The following FPGT variants were observed in gnomAD, a reference collection of about 807,000 sequenced individuals.
FPGT encodes GDP-L-fucose diphosphorylase.
Under a neutral mutation model 45.8 loss-of-function variants are expected in FPGT, and 41 were observed. The ratio of observed to expected loss-of-function variants is 0.90; its 90% CI spans 0.70 to 1.16. FPGT has a LOEUF of 1.16. FPGT is among the 50% of genes most tolerant of loss of function. FPGT has a pLI of 0.00. For missense variants in FPGT, 755 were observed against 689.1 expected, an observed-to-expected ratio of 1.10 and a Z score of -1.07; for synonymous variants, 292 against 247.2, an observed-to-expected ratio of 1.18 and a Z score of -1.70.
At chr1:74,203,170 G>T (rs1018213998) in intron 3 of FPGT, among the ~76,000 whole-genome samples, 1 of 152,140 alleles carries the variant, frequency 6.6e-6, no homozygotes, top group Non-Finnish European at 1.5e-5. Context: ...TGGCAGCACA[G>T]CAGGTTTGTT....
chr1:74,204,901 T>G lies in FPGT; in HGVS notation c.854T>G (p.Leu285Arg), dbSNP rs1206664213. 4 of 1,613,836 alleles carry G rather than the reference T, an allele frequency of 2.5e-6. No individual in the cohort carries two copies. The highest frequency in any genetic ancestry group is 3.4e-6 in the Non-Finnish European group (4 of 1,179,910). ...YMDHKSAKMLLAFYEKIGTLS... is the reference protein window; with the variant it reads ...YMDHKSAKMLRAFYEKIGTLS... ...GATCATAAATCAGCAAAAATGTTAC[T>G]TGCTTTTTATGAAAAAATAGGCACA... Residue 285 changes from leucine to arginine, a missense_variant, in exon 4 of 4, where the codon CTT becomes CGT. Transcript: ENST00000370898.
In FPGT at chr1:74,204,851, C is replaced by G; in HGVS notation, c.804C>G (p.Val268=). The G allele has an allele frequency of 6.2e-7, 1 of 1,613,636 alleles. No individual in the cohort carries two copies. Among genetic ancestry groups the G allele is most frequent in the Non-Finnish European group, 8.5e-7 (1 of 1,179,980 alleles). ...IADLKLDSDY[V]YTDSLFYMDH... The stretch of plus-strand genomic sequence containing the variant: ...ATCTTAAATTAGACTCTGACTATGT[C>G]TACACAGATAGCCTATTTTATATGG... The change falls in exon 4 of 4, where the codon GTC becomes GTG. Residue 268 remains valine (V), a synonymous_variant. Coordinates refer to ENST00000370898, the MANE Select transcript of FPGT (RefSeq NM_003838.5).
At chr1:74,199,883 T>A in intron 2 of FPGT, 52 bp downstream of exon 2, 2 of 1,569,410 alleles carry the variant, frequency 1.3e-6, no homozygotes, top group Non-Finnish European at 1.7e-6. Flanking sequence ...AGAATAATCA[T>A]TGAAGAAAAG....
In FPGT at chr1:74,205,251, A is replaced by G. The variant is rs778232183; in HGVS notation, c.1204A>G (p.Ile402Val). ...AGAATGCTCTGGCAAAACATCCTGT[A>G]TCATTCAAAGCATACTGGATTCAAG... ...IPECSGKTSC[I>V]IQSILDSRCS... Residue 402 changes from isoleucine to valine, a missense_variant, in exon 4 of 4, where the codon ATC becomes GTC. Ile to Val is a conservative substitution (Grantham distance 29). Coordinates refer to ENST00000370898, the MANE Select transcript of FPGT (RefSeq NM_003838.5). 1.1e-5 allele frequency: 18 copies of G among 1,613,994 alleles called. No individual in the cohort carries two copies. Among genetic ancestry groups the G allele is most frequent in the East Asian group, 6.7e-5 (3 of 44,882 alleles).
Position 74,208,645 on chromosome 1 carries a change from C to A in FPGT, c.*2813C>A, listed in dbSNP as rs1652471868. Reference sequence around the variant, plus strand: ...TTAGGCATTTATTCTCTAAGCAAAGCAGAAATAAAGGATATGTATCAGTGT... The same window carrying A: ...TTAGGCATTTATTCTCTAAGCAAAGAAGAAATAAAGGATATGTATCAGTGT... On this transcript the variant is annotated 3_prime_UTR_variant, in exon 4 of 4. Coordinates refer to ENST00000370898, the MANE Select transcript of FPGT (RefSeq NM_003838.5). Among the ~76,000 whole-genome samples, 1 of 151,916 alleles carries A rather than the reference C, an allele frequency of 6.6e-6. No homozygotes were observed. Among genetic ancestry groups the A allele is most frequent in the Non-Finnish European group, 1.5e-5 (1 of 67,952 alleles).
chr1:74,204,640 C>T lies in FPGT; in HGVS notation c.593C>T (p.Thr198Met), dbSNP rs767286522. The T allele has an allele frequency of 3.6e-5, 58 of 1,613,520 alleles. No individual in the cohort carries two copies. Among genetic ancestry groups the T allele is most frequent in the East Asian group, 2.0e-4 (9 of 44,884 alleles). ...FTALAHPSSL[T>M]IGTTHGVFVL... ...GCTTTAGCTCATCCTTCTAGTTTGA[C>T]GATAGGTACCACACATGGAGTATTT... The change falls in exon 4 of 4, where the codon ACG becomes ATG. Residue 198 changes from threonine (T) to methionine (M), a missense_variant. Transcript: ENST00000370898.
At chr1:74,199,051 C>G (rs1651513360) in intron 1 of FPGT, among the ~76,000 whole-genome samples, 1 of 152,182 alleles carries the variant, frequency 6.6e-6, no homozygotes, top group Admixed American at 6.5e-5. Flanking sequence ...TTCCAACTGT[C>G]TACTAAAAGT....
At position 74,205,783 on chromosome 1, in the gene FPGT, A is replaced by G; in HGVS notation, c.1736A>G (p.Tyr579Cys). Residue 579 changes from tyrosine to cysteine, a missense_variant, in exon 4 of 4, where the codon TAC becomes TGC. Tyr to Cys is a radical substitution (Grantham distance 194). Coordinates refer to ENST00000370898, the MANE Select transcript of FPGT (RefSeq NM_003838.5). ...AAAGATGTAGAAGATATGATAACTTACAGGGAACAAATTTTTCTAGAAATC... is the reference window on the plus strand; with the variant it reads ...AAAGATGTAGAAGATATGATAACTTGCAGGGAACAAATTTTTCTAGAAATC... The part of the protein sequence containing the change: ...IYKDVEDMIT[Y>C]REQIFLEISL... 1 of 1,583,362 alleles carries G rather than the reference A, an allele frequency of 6.3e-7. No homozygotes were observed. The highest frequency in any genetic ancestry group is 1.1e-5 in the South Asian group (1 of 89,042).
rs1652328199 is a variant in FPGT, at chr1:74,206,934, GTCAATATAAA to G, written c.*1103_*1112del. On this transcript the variant is annotated 3_prime_UTR_variant, in exon 4 of 4. Transcript: ENST00000370898. ...AAATAACTAGTCTGTGCTACTTTATGTCAATATAAAAATTGGTAAACTAGAAGTAACTTGT... is the reference window on the plus strand; with the variant it reads ...AAATAACTAGTCTGTGCTACTTTATGAATTGGTAAACTAGAAGTAACTTGT... The G allele has an allele frequency of 6.6e-6, 1 of 151,924 alleles. No homozygotes were observed. 9.4% of individuals were successfully genotyped at this position (151,924 alleles called of 1,614,324 possible). A position where few individuals can be genotyped will look rare whatever the true frequency, so the allele number is the denominator to read the frequency against.
chr1:74,204,041 CAAAA>C (rs71678137), intron 3 of FPGT, among the ~76,000 whole-genome samples: 1 of 138,068 alleles, frequency 7.2e-6, no homozygotes, highest in Non-Finnish European at 1.6e-5. Flanking sequence ...GACTTCATCT[CAAAA>C]AAAAAAAAAC....
chr1:74,200,845 A>G (rs988718056), intron 2 of FPGT: 3 of 155,656 alleles, frequency 1.9e-5, no homozygotes, highest in African/African-American at 7.2e-5. Context: ...TAACTGGCCC[A>G]AGATAACTAG....
intron 1 of FPGT, 70 bp from the exon 2 acceptor site, chr1:74,199,594 A>G (rs977103552): frequency 1.3e-6 from 2 of 1,522,020 alleles, no homozygotes; most frequent in Non-Finnish European, 1.8e-6. Flanking sequence ...ATCTTTCTCA[A>G]TAGGCAAACC....
intron 2 of FPGT, among the ~76,000 whole-genome samples, chr1:74,200,497 C>CTTTTTTTTTTTTT (rs202228945): frequency 3.8e-5 from 4 of 106,564 alleles, no homozygotes; most frequent in Admixed American, 1.0e-4. Flanking sequence ...GTTATTATTT[C>CTTTTTTTTTTTTT]TTTTTTTTTT....
At chr1:74,204,184 T>TA (rs1487975845) in intron 3 of FPGT, among the ~76,000 whole-genome samples, 1 of 152,200 alleles carries the variant, frequency 6.6e-6, no homozygotes, top group Non-Finnish European at 1.5e-5. Flanking sequence ...AAAATTGTCT[T>TA]ATATCAAATG....
In FPGT at chr1:74,199,765, A is replaced by T. The variant is rs1268336282; in HGVS notation, c.184A>T (p.Lys62Ter). 1 of 1,614,076 alleles carries T rather than the reference A, an allele frequency of 6.2e-7. No homozygotes were observed. The highest frequency in any genetic ancestry group is 1.3e-5 in the African/African-American group (1 of 74,940). Residue 62 changes from lysine to a stop codon, truncating the protein, a stop_gained, in exon 2 of 4, where the codon AAA (lysine) becomes TAA (stop). Coordinates refer to ENST00000370898, the MANE Select transcript of FPGT (RefSeq NM_003838.5). LOFTEE classifies it high-confidence loss of function. ...AYNQQLSEKLKRKELPLGVQY... is the reference protein window; with the variant it reads ...AYNQQLSEKL ...CAACCAACAGCTGTCAGAAAAGCTG[A>T]AAAGAAAGGAGTTACCCCTTGGAGT... is the stretch of plus-strand genomic sequence containing the variant.
chr1:74,203,802 G>A (rs1171957839), intron 3 of FPGT, among the ~76,000 whole-genome samples: 1 of 151,962 alleles, frequency 6.6e-6, no homozygotes, highest in African/African-American at 2.4e-5. Flanking sequence ...AGCACTTTGG[G>A]AGGCCGAGTT....
chr1:74,205,354 T>C lies in FPGT; in HGVS notation c.1307T>C (p.Ile436Thr), dbSNP rs754558661. The change falls in exon 4 of 4, where the codon ATT becomes ACT. Residue 436 changes from isoleucine to threonine, a missense_variant. Ile to Thr is a moderately conservative substitution (Grantham distance 89). Transcript: ENST00000370898. The stretch of plus-strand genomic sequence containing the variant: ...GTTTCAGTTGGGGAAAACTGCATTA[T>C]TAGTGGTTCTTACATCCTAACAAAA... ...PDVSVGENCI[I>T]SGSYILTKAA... 13 of 1,614,172 alleles carry C rather than the reference T, an allele frequency of 8.1e-6. No individual in the cohort carries two copies. The Admixed American group carries it at 8.3e-5, about 10-fold the overall frequency.
In FPGT at chr1:74,205,702, C is replaced by A; in HGVS notation, c.1655C>A (p.Ser552Ter). The change falls in exon 4 of 4, where the codon TCA becomes TAA. Residue 552 changes from serine to a stop codon, truncating the protein, a stop_gained. Transcript: ENST00000370898. LOFTEE classifies it high-confidence loss of function. The part of the protein sequence containing the change: ...LKMLNAVKNK[S>*]AFSLNSYKLL... The stretch of plus-strand genomic sequence containing the variant: ...ATGTTAAATGCTGTTAAGAACAAGT[C>A]AGCATTCAGCCTGAATAGCTATAAG... 1 of 1,611,712 alleles carries A rather than the reference C, an allele frequency of 6.2e-7. No homozygotes were observed. The highest frequency in any genetic ancestry group is 1.1e-5 in the South Asian group (1 of 91,028).
chr1:74,202,886 G>A (rs1035475238), intron 3 of FPGT, among the ~76,000 whole-genome samples: 3 of 152,092 alleles, frequency 2.0e-5, no homozygotes, highest in African/African-American at 7.2e-5. Flanking sequence ...GGCCTACACT[G>A]GGTCAGGATC....
Sources: allele counts gnomAD v4.1 joint callset (sites outside exome capture counted in the v4.1 genomes callset), GRCh38; gene constraint gnomAD v4.1.1; transcripts MANE v1.5; gene names NCBI Gene and HGNC (gene_info 2026-07-23, HGNC 2026-07-21).